The following ADAM7 variants were observed in gnomAD, a reference collection of about 807,000 sequenced individuals.
ADAM7 encodes ADAM metallopeptidase domain 7.
Under a neutral mutation model 102.9 loss-of-function variants are expected in ADAM7, and 97 were observed. The observed-to-expected ratio is 0.94, with a 90% CI of 0.80 to 1.12. The LOEUF (loss-of-function observed/expected upper bound fraction) is 1.12. Ranked by LOEUF, ADAM7 falls within the 50% of genes most tolerant of loss-of-function variation. ADAM7 has a pLI of 0.00. For missense variants in ADAM7, 991 were observed against 908.7 expected (o/e 1.09, Z -1.16); for synonymous variants, 334 against 304.4 (o/e 1.10, Z -1.01).
At chr8:24,471,628 T>C (rs1057094960) in intron 7 of ADAM7, among the ~76,000 whole-genome samples, 29 of 152,172 alleles carry the variant, frequency 1.9e-4, no homozygotes, top group Non-Finnish European at 3.4e-4. Context: ...TTAACTGTGT[T>C]GTAGGTTATA....
At chr8:24,482,645 A>G (rs2129388507) in intron 9 of ADAM7, among the ~76,000 whole-genome samples, 2 of 152,204 alleles carry the variant, frequency 1.3e-5, no homozygotes, top group Admixed American at 1.3e-4. Flanking sequence ...GCTACTTGGG[A>G]AGCTGAGGCT....
chr8:24,503,792 C>T (rs920545130), intron 20 of ADAM7, among the ~76,000 whole-genome samples: 16 of 152,038 alleles, frequency 1.1e-4, no homozygotes, highest in Admixed American at 2.6e-4. Flanking sequence ...AACCAAACAC[C>T]GCATGTTCTC....
intron 8 of ADAM7, among the ~76,000 whole-genome samples, chr8:24,480,823 T>C (rs540512713): frequency 6.6e-6 from 1 of 152,178 alleles, no homozygotes; most frequent in East Asian, 1.9e-4. Flanking sequence ...GGAGAATCAC[T>C]GAGCCCAGGA....
At chr8:24,487,151 T>A (rs565814948) in intron 10 of ADAM7, 36 bp from the exon 11 acceptor site, 1 of 1,605,514 alleles carries the variant, frequency 6.2e-7, no homozygotes, top group African/African-American at 1.3e-5. Flanking sequence ...GTATGCTAAC[T>A]TTTGAAAATT....
intron 8 of ADAM7, among the ~76,000 whole-genome samples, chr8:24,480,331 C>CCCGTGTG (rs1819906851): frequency 6.6e-6 from 1 of 152,142 alleles, no homozygotes; most frequent in Non-Finnish European, 1.5e-5. Flanking sequence ...AGTCTAAAAG[C>CCCGTGTG]CCGTGTGCCT....
intron 20 of ADAM7, among the ~76,000 whole-genome samples, chr8:24,501,960 G>A (rs1820776704): frequency 6.6e-6 from 1 of 152,044 alleles, no homozygotes; most frequent in African/African-American, 2.4e-5. Context: ...TGGAGGCCGA[G>A]ACAGGCAGAT....
rs775868912 is a variant in ADAM7 at position 24,465,734 on chromosome 8, A to G, written c.348A>G (p.Glu116=). Residue 116 remains glutamate, a synonymous_variant, in exon 5 of 22, where the codon GAA becomes GAG. Transcript: ENST00000175238. ...TTTACCAAGGATCCATAGTACACGA[A>G]TATGATTCAGCTGCCAGTATCAGTA... ...HCFYQGSIVH[E]YDSAASISTC... 2 of 1,611,172 alleles carry G rather than the reference A, an allele frequency of 1.2e-6. No individual in the cohort carries two copies. Among genetic ancestry groups the G allele is most frequent in the African/African-American group, 1.3e-5 (1 of 74,976 alleles).
rs1819440282 is a variant in ADAM7, at chr8:24,466,783, T to C, written c.390-16T>C. 2 of 1,602,916 alleles carry C rather than the reference T, an allele frequency of 1.2e-6. No individual in the cohort carries two copies. Among genetic ancestry groups the C allele is most frequent in the East Asian group, 2.2e-5 (1 of 44,780 alleles). On this transcript the variant is annotated splice_polypyrimidine_tract_variant and intron_variant, in intron 5 of 21. Transcript: ENST00000175238. ...TTATAGGCCTTGAATACAAATTGTG[T>C]TCCCAATTTCTACAGGGGATTCTTC...
chr8:24,493,301 AT>A, intron 16 of ADAM7, 72 bp downstream of exon 16: 2 of 1,378,394 alleles, frequency 1.5e-6, no homozygotes, highest in Non-Finnish European at 9.6e-7. Flanking sequence ...GGATACTGTA[AT>A]TGCTTCCAAA....
At chr8:24,507,134 C>T (rs895640500) in intron 20 of ADAM7, among the ~76,000 whole-genome samples, 4 of 151,950 alleles carry the variant, frequency 2.6e-5, no homozygotes, top group African/African-American at 9.7e-5. Context: ...TACTGAGATT[C>T]CAACAGAGAT....
At chr8:24,452,851 G>A (rs921448408) in intron 3 of ADAM7, among the ~76,000 whole-genome samples, 1 of 151,140 alleles carries the variant, frequency 6.6e-6, no homozygotes, top group Non-Finnish European at 1.5e-5. Flanking sequence ...GCCTGGTGGT[G>A]ACAAAATCTC....
chr8:24,456,767 G>T (rs1819051231), intron 3 of ADAM7, among the ~76,000 whole-genome samples: 1 of 151,906 alleles, frequency 6.6e-6, no homozygotes, highest in African/African-American at 2.4e-5. Flanking sequence ...CATTCATGCT[G>T]CTGCATTTAT....
At chr8:24,499,700 T>C (rs1820681710) in intron 17 of ADAM7, among the ~76,000 whole-genome samples, 1 of 152,062 alleles carries the variant, frequency 6.6e-6, no homozygotes, top group Admixed American at 6.6e-5. Context: ...GTATATTTTT[T>C]ACAAAATAAT....
At position 24,501,492 on chromosome 8, in the gene ADAM7, C is replaced by T; in HGVS notation, c.2124C>T (p.Thr708=). The change falls in exon 20 of 22, where the codon ACC becomes ACT. Residue 708 remains threonine (T), a synonymous_variant. Transcript: ENST00000175238. ...TTCTTGACAGCCCACCTACAGAAAC[C>T]CTGGGAGTGGAGAACAAAGGATACT... ...LKQVQSPPTE[T]LGVENKGYFG... is the part of the protein sequence containing the mutation. The T allele has an allele frequency of 6.2e-7, 1 of 1,607,310 alleles. No homozygotes were observed. Among genetic ancestry groups the T allele is most frequent in the Non-Finnish European group, 8.5e-7 (1 of 1,177,530 alleles).
chr8:24,452,050 G>A (rs1173067125), intron 3 of ADAM7, among the ~76,000 whole-genome samples: 1 of 152,148 alleles, frequency 6.6e-6, no homozygotes, highest in African/African-American at 2.4e-5. Flanking sequence ...TACATTTGCT[G>A]AGGAGAGCTT....
intron 7 of ADAM7, chr8:24,475,831 C>T (rs1447149751): frequency 2.4e-6 from 1 of 422,202 alleles, no homozygotes; most frequent in Non-Finnish European, 4.7e-6. Flanking sequence ...GATACAAGAT[C>T]CCGATAGTAC....
chr8:24,501,500 T>A lies in ADAM7; in HGVS notation c.2132T>A (p.Val711Glu). The change falls in exon 20 of 22, where the codon GTG (valine) becomes GAG (glutamate). Residue 711 changes from valine to glutamate, a missense_variant. By Grantham distance (121) the Val-to-Glu change is moderately radical (BLOSUM62 -2). Coordinates refer to ENST00000175238, the MANE Select transcript of ADAM7 (RefSeq NM_003817.4). ...AGCCCACCTACAGAAACCCTGGGAGTGGAGAACAAAGGATACTTTGGTGAT... is the reference window on the plus strand; with the variant it reads ...AGCCCACCTACAGAAACCCTGGGAGAGGAGAACAAAGGATACTTTGGTGAT... ...VQSPPTETLG[V>E]ENKGYFGDEQ... is the part of the protein sequence containing the mutation. 1.9e-6 allele frequency: 3 copies of A among 1,606,826 alleles called. No homozygotes were observed. The highest frequency in any genetic ancestry group is 2.5e-6 in the Non-Finnish European group (3 of 1,177,610).
chr8:24,490,173 A>G (rs1820293095), intron 12 of ADAM7: 1 of 152,384 alleles, frequency 6.6e-6, no homozygotes, highest in Admixed American at 6.5e-5. Flanking sequence ...AACCTGTCCA[A>G]AGGTTATAAG....
At chr8:24,449,288 G>A (rs201081064) in intron 3 of ADAM7, among the ~76,000 whole-genome samples, 2 of 152,058 alleles carry the variant, frequency 1.3e-5, no homozygotes, top group Non-Finnish European at 2.9e-5. Flanking sequence ...AAGTGTTCCT[G>A]TTTCTCCACA....
Sources: gnomAD v4.1 joint callset for allele counts (sites outside exome capture counted in the v4.1 genomes callset) on GRCh38, gnomAD v4.1.1 for gene constraint, MANE v1.5 for transcripts, NCBI Gene and HGNC (gene_info 2026-07-23, HGNC 2026-07-21) for gene names.